LDLRAD4: variants seen among roughly 807,000 people sequenced by gnomAD.
LDLRAD4 encodes low-density lipoprotein receptor class A domain-containing protein 4.
Under a neutral mutation model 17.0 loss-of-function variants are expected in LDLRAD4, and 5 were observed. The observed-to-expected ratio is 0.29, with a 90% CI of 0.15 to 0.62. LDLRAD4 has a LOEUF of 0.62. Among genes scored for constraint, LDLRAD4 ranks in the 20% least tolerant of loss-of-function variants. The pLI, the probability that LDLRAD4 is intolerant of heterozygous loss-of-function variation, is 0.84. For missense variants in LDLRAD4, 340 were observed against 424.7 expected (o/e 0.80, Z 1.75); for synonymous variants, 168 against 171.8 (o/e 0.98, Z 0.17).
chr18:13,356,057 G>A (rs571673859), intron 1 of LDLRAD4, among the ~76,000 whole-genome samples: 1 of 152,388 alleles, frequency 6.6e-6, no homozygotes, highest in Admixed American at 6.5e-5. Flanking sequence ...AGGGAGGAGC[G>A]TAAGCAAGTG....
At chr18:13,464,508 G>A (rs1204353696) in intron 3 of LDLRAD4, among the ~76,000 whole-genome samples, 1 of 152,138 alleles carries the variant, frequency 6.6e-6, no homozygotes, top group African/African-American at 2.4e-5. Context: ...GGTTATACCT[G>A]CTATATCTTT....
At chr18:13,574,628 T>A (rs375145960) in intron 3 of LDLRAD4, among the ~76,000 whole-genome samples, 1 of 152,212 alleles carries the variant, frequency 6.6e-6, no homozygotes, top group South Asian at 2.1e-4. Flanking sequence ...TTGACGCTCA[T>A]GGAGCCCTGG....
intron 2 of LDLRAD4, among the ~76,000 whole-genome samples, chr18:13,414,853 G>A (rs1302526292): frequency 6.6e-6 from 1 of 152,216 alleles, no homozygotes. Flanking sequence ...TATGCCAAGC[G>A]AAGTATTAAA....
intron 3 of LDLRAD4, among the ~76,000 whole-genome samples, chr18:13,567,416 G>A (rs948666616): frequency 3.9e-5 from 6 of 152,182 alleles, no homozygotes; most frequent in South Asian, 2.1e-4. Context: ...GAGGCCTGCT[G>A]CCGTAGGGCC....
At chr18:13,606,171 T>C (rs6505831) in intron 3 of LDLRAD4, among the ~76,000 whole-genome samples, 68,379 of 152,148 alleles carry the variant, frequency 0.45, 15,675 homozygotes, top group East Asian at 0.65. Flanking sequence ...TGGTTCTAAC[T>C]GGCCTCTATA....
At chr18:13,563,427 T>C (rs1376052016) in intron 3 of LDLRAD4, among the ~76,000 whole-genome samples, 1 of 152,062 alleles carries the variant, frequency 6.6e-6, no homozygotes, top group Admixed American at 6.5e-5. Context: ...ATGTCCTGAC[T>C]CCCCAGATCT....
chr18:13,617,245 G>A lies in LDLRAD4; in HGVS notation c.182-3872G>A, dbSNP rs960052221. On this transcript the variant is annotated intron_variant, in intron 3 of 5. Transcript: ENST00000359446. Reference sequence around the variant, plus strand: ...GCCTGGCCTGGAGTTTAGTTTTACAGAGAGTAATTCCATGCACTGTTTCAT... The same window carrying A: ...GCCTGGCCTGGAGTTTAGTTTTACAAAGAGTAATTCCATGCACTGTTTCAT... Among the ~76,000 whole-genome samples the A allele has an allele frequency of 3.3e-5, 5 of 152,264 alleles. 1 individual carries two copies. The South Asian group carries it at 8.3e-4, about 25-fold the overall frequency.
chr18:13,459,034 C>A (rs1033792340), intron 3 of LDLRAD4, among the ~76,000 whole-genome samples: 1 of 152,088 alleles, frequency 6.6e-6, no homozygotes, highest in African/African-American at 2.4e-5. Flanking sequence ...TGTTTTAAGG[C>A]CAGGTGTGGT....
intron 3 of LDLRAD4, among the ~76,000 whole-genome samples, chr18:13,470,532 T>A (rs1480883300): frequency 1.4e-5 from 2 of 148,050 alleles, no homozygotes; most frequent in Non-Finnish European, 3.0e-5. Context: ...CCCTGTGAGA[T>A]GTGTAGGAAG....
In LDLRAD4 at chr18:13,619,172, G is replaced by T. The variant is rs115474082; in HGVS notation, c.182-1945G>T. On this transcript the variant is annotated intron_variant, in intron 3 of 5. Transcript: ENST00000359446. ...CTTAGCTGCCTCCCGTGTCAAGAGG[G>T]GCAAAGTAGGGGCTCCGGACTCAGC... 8.2e-3 allele frequency among the ~76,000 whole-genome samples: 1,251 copies of T among 152,278 alleles called. 17 individuals carry two copies. Among genetic ancestry groups the T allele is most frequent in the African/African-American group, 0.029 (1,207 of 41,532 alleles).
At chr18:13,400,573 G>A (rs2087092571) in intron 2 of LDLRAD4, among the ~76,000 whole-genome samples, 1 of 152,184 alleles carries the variant, frequency 6.6e-6, no homozygotes, top group African/African-American at 2.4e-5. Flanking sequence ...GGGAGGAGAC[G>A]GTGAAAAGAG....
At chr18:13,522,704 C>T (rs1319201894) in intron 3 of LDLRAD4, 1 of 152,110 alleles carries the variant, frequency 6.6e-6, no homozygotes, top group East Asian at 1.9e-4. Context: ...GAATGTTTAG[C>T]TCTGTCTTTT....
chr18:13,498,335 C>T (rs1327151208), intron 3 of LDLRAD4, among the ~76,000 whole-genome samples: 1 of 150,910 alleles, frequency 6.6e-6, no homozygotes, highest in African/African-American at 2.4e-5. Flanking sequence ...GCCGTGGACA[C>T]TGGAGAATCC....
intron 1 of LDLRAD4, among the ~76,000 whole-genome samples, chr18:13,225,042 G>A (rs1363198205): frequency 1.3e-5 from 2 of 151,240 alleles, no homozygotes; most frequent in African/African-American, 4.9e-5. Context: ...CGTCATGTTG[G>A]CCAGGCTGGT....
At chr18:13,290,487 A>G (rs2045902650) in intron 1 of LDLRAD4, among the ~76,000 whole-genome samples, 1 of 152,090 alleles carries the variant, frequency 6.6e-6, no homozygotes, top group Admixed American at 6.5e-5. Flanking sequence ...ATTGATAGCT[A>G]TTGAAAGTTT....
rs185590772 is a variant in LDLRAD4 at position 13,415,524 on chromosome 18, T to C, written c.41-22720T>C. ...TCCCACCAAAGGAAGTCTGGTTGTATAGGCAGACTTGTCTCCCCGGTGGTT... is the reference window on the plus strand; with the variant it reads ...TCCCACCAAAGGAAGTCTGGTTGTACAGGCAGACTTGTCTCCCCGGTGGTT... On this transcript the variant is annotated intron_variant, in intron 2 of 5. Transcript: ENST00000359446. Among the ~76,000 whole-genome samples the C allele has an allele frequency of 3.8e-4, 58 of 152,296 alleles. No individual in the cohort carries two copies. The East Asian group carries it at 9.7e-3, about 25-fold the overall frequency.
rs555494335 is a variant in LDLRAD4, at chr18:13,590,044, AGT to A, written c.182-31069_182-31068del. ...ATGTGTATGGGTGTGCATGTGTGTGAGTGTGCATGTGTGTGACTGCATGTGTG... is the reference window on the plus strand; with the variant it reads ...ATGTGTATGGGTGTGCATGTGTGTGAGTGCATGTGTGTGACTGCATGTGTG... On this transcript the variant is annotated intron_variant, in intron 3 of 5. Transcript: ENST00000359446. Among the ~76,000 whole-genome samples, 81 of 137,434 alleles carry A rather than the reference AGT, an allele frequency of 5.9e-4. No homozygotes were observed. The South Asian group carries it at 0.018, about 30-fold the overall frequency. The allele number at this position is 137,434 out of a possible 152,430, so 90.2% of individuals were successfully genotyped here.
At chr18:13,399,967 T>C (rs2087029125) in intron 2 of LDLRAD4, among the ~76,000 whole-genome samples, 1 of 152,218 alleles carries the variant, frequency 6.6e-6, no homozygotes, top group Non-Finnish European at 1.5e-5. Context: ...AAAGTGGAAA[T>C]AGAATTTAAA....
chr18:13,401,487 T>C (rs1390265506), intron 2 of LDLRAD4, among the ~76,000 whole-genome samples: 1 of 151,904 alleles, frequency 6.6e-6, no homozygotes, highest in Non-Finnish European at 1.5e-5. Context: ...AGTGCATTGC[T>C]CAGATGTGTT....
Sources: allele counts gnomAD v4.1 joint callset (sites outside exome capture counted in the v4.1 genomes callset), GRCh38; gene constraint gnomAD v4.1.1; transcripts MANE v1.5; gene names NCBI Gene and HGNC (gene_info 2026-07-23, HGNC 2026-07-21).